The following KPNA6 variants were observed in gnomAD, a reference collection of about 807,000 sequenced individuals.
The protein encoded by KPNA6 is importin subunit alpha-7.
In KPNA6, 9 loss-of-function variants were observed where a neutral mutation model predicts 72.0. The ratio of observed to expected loss-of-function variants is 0.13; its 90% confidence interval spans 0.08 to 0.22. The LOEUF is 0.22. Ranked by LOEUF, KPNA6 falls within the 10% of genes least tolerant of loss-of-function variation. The pLI is 1.00. For missense variants in KPNA6, 374 were observed against 655.7 expected (o/e 0.57, Z 4.69); for synonymous variants, 219 against 242.1 (o/e 0.90, Z 0.89).
intron 1 of KPNA6, among the ~76,000 whole-genome samples, chr1:32,137,309 G>T (rs947081301): frequency 6.6e-6 from 1 of 152,102 alleles, no homozygotes; most frequent in African/African-American, 2.4e-5. Flanking sequence ...GAGTTGCTGG[G>T]ACCACAGGTG....
chr1:32,149,793 ATAT>A (rs1374108148), intron 1 of KPNA6, among the ~76,000 whole-genome samples: 1 of 152,054 alleles, frequency 6.6e-6, no homozygotes, highest in Non-Finnish European at 1.5e-5. Flanking sequence ...GTCTTTATTA[ATAT>A]TATTTTTAAT....
intron 1 of KPNA6, among the ~76,000 whole-genome samples, chr1:32,120,821 G>A (rs546229078): frequency 6.7e-6 from 1 of 149,896 alleles, no homozygotes; most frequent in East Asian, 2.0e-4. Context: ...TCCCTCTTTG[G>A]CCTCCCACAG....
intron 12 of KPNA6, 93 bp from the exon 13 acceptor site, chr1:32,169,789 T>C (rs1642404791): frequency 1.8e-6 from 2 of 1,124,424 alleles, no homozygotes; most frequent in Non-Finnish European, 2.5e-6. Flanking sequence ...AAAAATAAAT[T>C]AGTAAGAGTG....
At chr1:32,166,644 G>T (rs1183341395) in intron 11 of KPNA6, among the ~76,000 whole-genome samples, 1 of 117,736 alleles carries the variant, frequency 8.5e-6, no homozygotes, top group East Asian at 2.8e-4. Context: ...AAAAAAAAAA[G>T]AGGGGCTGGG....
At chr1:32,153,042 T>C (rs1316020481) in intron 1 of KPNA6, among the ~76,000 whole-genome samples, 1 of 131,996 alleles carries the variant, frequency 7.6e-6, no homozygotes, top group Non-Finnish European at 1.6e-5. Context: ...AAAAAAAGTA[T>C]AGTGTGAACA....
chr1:32,113,138 G>A (rs1188406859), intron 1 of KPNA6, among the ~76,000 whole-genome samples: 2 of 152,106 alleles, frequency 1.3e-5, no homozygotes, highest in African/African-American at 4.8e-5. Context: ...CGCCTATGAT[G>A]CCAGCACTTT....
At chr1:32,161,809 A>G in intron 7 of KPNA6, 138 bp from the exon 8 acceptor site, 1 of 660,640 alleles carries the variant, frequency 1.5e-6, no homozygotes. Flanking sequence ...TACCAGCTCT[A>G]TTAACTTAGG....
chr1:32,160,166 G>A (rs1642211724), intron 6 of KPNA6, among the ~76,000 whole-genome samples: 1 of 152,138 alleles, frequency 6.6e-6, no homozygotes. Flanking sequence ...GGGCATGGTG[G>A]AGCTTACCTG....
At position 32,172,000 on chromosome 1, in the gene KPNA6, A is replaced by G. The variant is rs976227000; in HGVS notation, c.*1106A>G. The G allele has an allele frequency of 2.0e-5, 3 of 152,040 alleles. No individual in the cohort carries two copies. The highest frequency in any genetic ancestry group is 2.1e-4 in the South Asian group (1 of 4,814). The allele number at this position is 152,040 out of a possible 1,614,324, so 9.4% of individuals were successfully genotyped here. A position where few individuals can be genotyped will look rare whatever the true frequency, so the allele number is the denominator to read the frequency against. On this transcript the variant is annotated 3_prime_UTR_variant, in exon 14 of 14. Transcript: ENST00000373625. ...TTCTTCTTCTTCTTCTTCCTCTTCC[A>G]TAGTTGGATCATGTATATTTTACTT...
chr1:32,112,940 A>G (rs1641264828), intron 1 of KPNA6, among the ~76,000 whole-genome samples: 1 of 152,180 alleles, frequency 6.6e-6, no homozygotes, highest in South Asian at 2.1e-4. Context: ...GGCAGTAACA[A>G]CCTATGAAAT....
chr1:32,121,941 C>G (rs1008726275), intron 1 of KPNA6, among the ~76,000 whole-genome samples: 1 of 151,990 alleles, frequency 6.6e-6, no homozygotes, highest in African/African-American at 2.4e-5. Flanking sequence ...CCACTGCCCT[C>G]CAGCCTGGGT....
chr1:32,121,806 C>A (rs1055740408), intron 1 of KPNA6, among the ~76,000 whole-genome samples: 1 of 140,252 alleles, frequency 7.1e-6, no homozygotes, highest in Admixed American at 7.1e-5. Context: ...AACCCCAGAT[C>A]TACTAAAAAT....
chr1:32,137,482 A>C (rs937726305), intron 1 of KPNA6, among the ~76,000 whole-genome samples: 3 of 151,970 alleles, frequency 2.0e-5, no homozygotes, highest in Non-Finnish European at 4.4e-5. Context: ...TACTTCCCCC[A>C]ATTTCTATAT....
At chr1:32,113,590 C>G (rs1479178155) in intron 1 of KPNA6, among the ~76,000 whole-genome samples, 2 of 152,076 alleles carry the variant, frequency 1.3e-5, no homozygotes, top group Non-Finnish European at 2.9e-5. Flanking sequence ...GTAGCTGGGA[C>G]TACAGGCATG....
chr1:32,149,191 TAG>T (rs1304118358), intron 1 of KPNA6, among the ~76,000 whole-genome samples: 1 of 152,158 alleles, frequency 6.6e-6, no homozygotes, highest in Non-Finnish European at 1.5e-5. Flanking sequence ...TTTTGAGCTC[TAG>T]AACATTTGTT....
intron 6 of KPNA6, 126 bp from the exon 7 acceptor site, chr1:32,160,489 G>T (rs1012159162): frequency 1.4e-6 from 1 of 703,398 alleles, no homozygotes; most frequent in East Asian, 2.7e-5. Context: ...ACCTGAGCTT[G>T]TGTAGTATAT....
At position 32,118,997 on chromosome 1, in the gene KPNA6, C is replaced by CATATATATAT. The variant is rs71578197; in HGVS notation, c.4+10890_4+10899dup. Among the ~76,000 whole-genome samples, 48 of 59,820 alleles carry CATATATATAT rather than the reference C, an allele frequency of 8.0e-4. 1 individual carries two copies. Among genetic ancestry groups the CATATATATAT allele is most frequent in the African/African-American group, 1.2e-3 (18 of 15,158 alleles). 39.2% of individuals were successfully genotyped at this position (59,820 alleles called of 152,430 possible). ...ATGTGTGTGTGTGTGTGTGTGTATA[C>CATATATATAT]ATATATATATATATATATATATATA... On this transcript the variant is annotated intron_variant, in intron 1 of 13. Coordinates refer to ENST00000373625, the MANE Select transcript of KPNA6 (RefSeq NM_012316.5).
chr1:32,114,110 G>A (rs1641285971), intron 1 of KPNA6, among the ~76,000 whole-genome samples: 1 of 152,090 alleles, frequency 6.6e-6, no homozygotes, highest in African/African-American at 2.4e-5. Context: ...GATGGATTCT[G>A]TATAGCTACA....
At chr1:32,146,964 A>G (rs531637309) in intron 1 of KPNA6, among the ~76,000 whole-genome samples, 18 of 151,990 alleles carry the variant, frequency 1.2e-4, no homozygotes, top group East Asian at 3.9e-4. Flanking sequence ...GGTTCTAGCA[A>G]TCCACCTCAG....
Sources: allele counts gnomAD v4.1 joint callset (sites outside exome capture counted in the v4.1 genomes callset), GRCh38; gene constraint gnomAD v4.1.1; transcripts MANE v1.5; gene names NCBI Gene and HGNC (gene_info 2026-07-23, HGNC 2026-07-21).